The following ICA1 variants were observed in gnomAD, a reference collection of about 807,000 sequenced individuals.
ICA1 encodes 69 kDa islet cell autoantigen.
Under a neutral mutation model 71.0 loss-of-function variants are expected in ICA1, and 40 were observed. That is an observed-to-expected ratio of 0.56 (90% CI 0.44 to 0.73). The LOEUF is 0.73. Among genes scored for constraint, ICA1 ranks in the 30% least tolerant of loss-of-function variants. The pLI is 0.00. For missense variants in ICA1, 578 were observed against 576.5 expected (o/e 1.00, Z -0.03); for synonymous variants, 207 against 209.5 (o/e 0.99, Z 0.10).
chr7:8,188,227 C>T (rs960988554), intron 6 of ICA1, among the ~76,000 whole-genome samples: 1 of 152,160 alleles, frequency 6.6e-6, no homozygotes, highest in Non-Finnish European at 1.5e-5. Context: ...AAATAAGATA[C>T]TTTGAGAGTA....
intron 8 of ICA1, among the ~76,000 whole-genome samples, chr7:8,153,435 A>T (rs1013896755): frequency 2.6e-5 from 4 of 152,158 alleles, no homozygotes; most frequent in African/African-American, 9.7e-5. Context: ...ATAGAGGGAA[A>T]ATGGTCACTG....
At chr7:8,193,397 A>C (rs1387229744) in intron 6 of ICA1, among the ~76,000 whole-genome samples, 1 of 152,200 alleles carries the variant, frequency 6.6e-6, no homozygotes. Flanking sequence ...TAAAGTGCAA[A>C]ACCTGGCTCC....
At chr7:8,194,363 T>G (rs1450270532) in intron 6 of ICA1, among the ~76,000 whole-genome samples, 2 of 152,232 alleles carry the variant, frequency 1.3e-5, no homozygotes, top group African/African-American at 4.8e-5. Flanking sequence ...CAAAAGTTCA[T>G]GTTTATTTAT....
intron 1 of ICA1, among the ~76,000 whole-genome samples, chr7:8,236,247 A>ACT (rs1365255858): frequency 6.6e-6 from 1 of 152,268 alleles, no homozygotes; most frequent in Non-Finnish European, 1.5e-5. Context: ...GTTGCAGAAG[A>ACT]CTACATAAAA....
At chr7:8,172,418 C>T (rs1808709732) in intron 6 of ICA1, among the ~76,000 whole-genome samples, 1 of 152,076 alleles carries the variant, frequency 6.6e-6, no homozygotes, top group South Asian at 2.1e-4. Flanking sequence ...TTAGAATTTG[C>T]AGGCTATATA....
At chr7:8,172,860 C>G (rs1808894721) in intron 6 of ICA1, among the ~76,000 whole-genome samples, 1 of 152,158 alleles carries the variant, frequency 6.6e-6, no homozygotes, top group Admixed American at 6.5e-5. Context: ...TACATGAGTT[C>G]TTTCTGAGAC....
chr7:8,124,741 G>A (rs11761320), intron 13 of ICA1, among the ~76,000 whole-genome samples: 37,517 of 151,720 alleles, frequency 0.25, 4,968 homozygotes, highest in African/African-American at 0.32. Context: ...ATTGGCAGCT[G>A]TTTGCATGCA....
At chr7:8,148,022 G>A (rs546831219) in intron 8 of ICA1, among the ~76,000 whole-genome samples, 106 of 152,230 alleles carry the variant, frequency 7.0e-4, no homozygotes, top group Admixed American at 2.0e-3. Context: ...GTGGGGGTGT[G>A]TGTCGGTGCG....
intron 6 of ICA1, among the ~76,000 whole-genome samples, chr7:8,177,259 C>T (rs956509680): frequency 6.6e-6 from 1 of 152,150 alleles, no homozygotes; most frequent in Non-Finnish European, 1.5e-5. Context: ...TATGTAGATA[C>T]ATTTCAGGTT....
At chr7:8,168,827 T>C (rs1197538946) in intron 6 of ICA1, among the ~76,000 whole-genome samples, 1 of 152,126 alleles carries the variant, frequency 6.6e-6, no homozygotes, top group East Asian at 1.9e-4. Flanking sequence ...GATGCCTCTA[T>C]TTCCTTCATT....
chr7:8,116,935 C>T (rs1050681278), intron 13 of ICA1, among the ~76,000 whole-genome samples: 6 of 152,160 alleles, frequency 3.9e-5, no homozygotes, highest in African/African-American at 1.4e-4. Context: ...GGCTTTGTGT[C>T]CCCACCCAAA....
chr7:8,114,551 C>T (rs1262837290), intron 13 of ICA1, among the ~76,000 whole-genome samples: 1 of 152,194 alleles, frequency 6.6e-6, no homozygotes, highest in Non-Finnish European at 1.5e-5. Context: ...CCTCTTCTCT[C>T]AGGGTCACTG....
intron 13 of ICA1, among the ~76,000 whole-genome samples, chr7:8,121,208 G>A (rs575985020): frequency 6.6e-6 from 1 of 152,238 alleles, no homozygotes; most frequent in African/African-American, 2.4e-5. Context: ...ATCTTCAAGG[G>A]TTCTCATTTT....
At chr7:8,187,930 T>C (rs1428394185) in intron 6 of ICA1, among the ~76,000 whole-genome samples, 1 of 152,208 alleles carries the variant, frequency 6.6e-6, no homozygotes, top group East Asian at 1.9e-4. Flanking sequence ...GTCTCCATTT[T>C]TCAGATGAAG....
chr7:8,161,633 G>C (rs1246765844), intron 6 of ICA1, among the ~76,000 whole-genome samples: 1 of 152,186 alleles, frequency 6.6e-6, no homozygotes, highest in Non-Finnish European at 1.5e-5. Flanking sequence ...ACCAGCTGGA[G>C]GGGGGTGAGA....
At chr7:8,178,969 G>T (rs1781401521) in intron 6 of ICA1, among the ~76,000 whole-genome samples, 1 of 152,172 alleles carries the variant, frequency 6.6e-6, no homozygotes, top group African/African-American at 2.4e-5. Flanking sequence ...GAAAATGGTT[G>T]TCGCTATGGA....
chr7:8,198,784 C>G (rs117306436), intron 6 of ICA1, among the ~76,000 whole-genome samples: 5,472 of 152,182 alleles, frequency 0.036, 121 homozygotes, highest in Middle Eastern at 0.082. Context: ...CAGTTCTGCA[C>G]AGCAAAGGAA....
At chr7:8,198,776 G>C (rs1788543185) in intron 6 of ICA1, among the ~76,000 whole-genome samples, 1 of 152,174 alleles carries the variant, frequency 6.6e-6, no homozygotes. Context: ...AAAGGGAGCA[G>C]TTCTGCACAG....
At chr7:8,231,366 T>G (rs537568083) in intron 3 of ICA1, among the ~76,000 whole-genome samples, 2 of 152,058 alleles carry the variant, frequency 1.3e-5, no homozygotes, top group African/African-American at 4.8e-5. Flanking sequence ...AGAGATACCA[T>G]ATGGAATGCA....
Sources: gnomAD v4.1 joint callset for allele counts (sites outside exome capture counted in the v4.1 genomes callset) on GRCh38, gnomAD v4.1.1 for gene constraint, MANE v1.5 for transcripts, NCBI Gene and HGNC (gene_info 2026-07-23, HGNC 2026-07-21) for gene names.